Variants in TCIRG1 observed in about 807,000 individuals in gnomAD.
TCIRG1 encodes T cell immune regulator 1, ATPase H+ transporting V0 subunit a3.
In TCIRG1, 86 loss-of-function variants were observed where a neutral mutation model predicts 95.5. That is an observed-to-expected ratio of 0.90 (90% CI 0.76 to 1.08). The LOEUF (loss-of-function observed/expected upper bound fraction) is 1.08, where lower values mean the gene tolerates loss of function less well. TCIRG1 is among the 50% of genes least tolerant of loss of function. The pLI, the probability that TCIRG1 is intolerant of heterozygous loss-of-function variation, is 0.00. For missense variants in TCIRG1, 1,069 were observed against 1,140.2 expected (o/e 0.94, Z 0.90); for synonymous variants, 499 against 501.3 (o/e 1.00, Z 0.06).
At position 68,047,747 on chromosome 11, in the gene TCIRG1, C is replaced by T. The variant is rs2134455432; in HGVS notation, c.1406C>T (p.Thr469Ile). 6 of 1,613,342 alleles carry T rather than the reference C, an allele frequency of 3.7e-6. No individual in the cohort carries two copies. Among genetic ancestry groups the T allele is most frequent in the Non-Finnish European group, 5.1e-6 (6 of 1,180,006 alleles). ...TACAACGAGTGCTTCAGTCGCGCCA[C>T]CAGCATCTTCCCCTCGGGCTGGAGT... The part of the protein sequence containing the change: ...FIYNECFSRA[T>I]SIFPSGWSVA... The change falls in exon 12 of 20, where the codon ACC becomes ATC. Residue 469 changes from threonine to isoleucine, a missense_variant. Transcript: ENST00000265686.
Position 68,047,752 on chromosome 11 carries a change from A to C in TCIRG1, c.1411A>C (p.Ile471Leu). The change falls in exon 12 of 20, where the codon ATC becomes CTC. Residue 471 changes from isoleucine (I) to leucine (L), a missense_variant. Ile to Leu is a conservative substitution (Grantham distance 5). Transcript: ENST00000265686. ...YNECFSRATS[I>L]FPSGWSVAAM... ...CGAGTGCTTCAGTCGCGCCACCAGC[A>C]TCTTCCCCTCGGGCTGGAGTGTGGC... 1 of 1,613,274 alleles carries C rather than the reference A, an allele frequency of 6.2e-7. No individual in the cohort carries two copies. The highest frequency in any genetic ancestry group is 1.3e-5 in the African/African-American group (1 of 75,056).
At chr11:68,050,906 G>A (rs947311902), downstream of TCIRG1, 17 of 1,433,972 alleles carry the variant, frequency 1.2e-5, no homozygotes, top group South Asian at 5.9e-5. Flanking sequence ...GTGATGTCTC[G>A]TCTCTCTTCC....
Position 68,043,438 on chromosome 11 carries a change from C to T in TCIRG1, c.571C>T (p.Arg191Cys), listed in dbSNP as rs867224433. The stretch of plus-strand genomic sequence containing the variant: ...AGAGCGCCTGCTCTGGAGGGCCTGC[C>T]GCGGCTTCCTCATTGCCAGCTTCAG... Reference protein sequence around the residue: ...ALERLLWRACRGFLIASFREL... With the variant: ...ALERLLWRACCGFLIASFREL... The change falls in exon 6 of 20, where the codon CGC becomes TGC. Residue 191 changes from arginine (R) to cysteine (C), a missense_variant. Physicochemically the swap from Arg to Cys is radical, Grantham distance 180. Coordinates refer to ENST00000265686, the MANE Select transcript of TCIRG1 (RefSeq NM_006019.4). The T allele has an allele frequency of 6.5e-6, 10 of 1,548,200 alleles. No individual in the cohort carries two copies. Among genetic ancestry groups the T allele is most frequent in the Middle Eastern group, 1.9e-4 (1 of 5,318 alleles).
At chr11:68,047,838 C>CG (rs777063670) in intron 12 of TCIRG1, 34 bp downstream of exon 12, 2 of 1,612,630 alleles carry the variant, frequency 1.2e-6, no homozygotes, top group East Asian at 4.5e-5. Flanking sequence ...CTGGGGGCCC[C>CG]GCAGCACCCG....
intron 1 of TCIRG1, among the ~76,000 whole-genome samples, chr11:68,039,579 C>A (rs1469099071): frequency 6.6e-6 from 1 of 152,106 alleles, no homozygotes; most frequent in Non-Finnish European, 1.5e-5. Flanking sequence ...CCTGGAGGGG[C>A]CAGGAAAGGG....
intron 2 of TCIRG1, 104 bp from the exon 3 acceptor site, chr11:68,041,648 TG>T: frequency 1.0e-6 from 1 of 963,140 alleles, no homozygotes; most frequent in Non-Finnish European, 1.6e-6. Flanking sequence ...CACACCTTTC[TG>T]GAGGAGGCAG....
At chr11:68,049,863 C>T in intron 16 of TCIRG1, 75 bp downstream of exon 16, 33 of 1,554,962 alleles carry the variant, frequency 2.1e-5, no homozygotes, top group Non-Finnish European at 2.7e-5. Context: ...TGACTCCTCG[C>T]TTCCTGACAG....
Position 68,043,637 on chromosome 11 carries a change from C to A in TCIRG1, c.697C>A (p.Arg233Ser), listed in dbSNP as rs776421112. The A allele has an allele frequency of 1.9e-6, 3 of 1,609,570 alleles. No individual in the cohort carries two copies. The highest frequency in any genetic ancestry group is 2.2e-5 in the East Asian group (1 of 44,740). The stretch of plus-strand genomic sequence containing the variant: ...GGGTGAGCAGATCGGACAGAAGATC[C>A]GCAAGATCACGGACTGGTGAGTCAC... ...YWGEQIGQKIRKITDCFHCHV... is the reference protein window; with the variant it reads ...YWGEQIGQKISKITDCFHCHV... The change falls in exon 7 of 20, where the codon CGC becomes AGC. Residue 233 changes from arginine to serine, a missense_variant. Coordinates refer to ENST00000265686, the MANE Select transcript of TCIRG1 (RefSeq NM_006019.4).
At chr11:68,041,657 C>G in intron 2 of TCIRG1, 96 bp from the exon 3 acceptor site, 2 of 1,032,566 alleles carry the variant, frequency 1.9e-6, no homozygotes, top group Non-Finnish European at 2.9e-6. Flanking sequence ...CTGGAGGAGG[C>G]AGCTAAGGCC....
In TCIRG1 at chr11:68,047,657, CTT is replaced by C; in HGVS notation, c.1318_1319del (p.Phe440LeufsTer49). 1 of 1,613,472 alleles carries C rather than the reference CTT, an allele frequency of 6.2e-7. No individual in the cohort carries two copies. The highest frequency in any genetic ancestry group is 8.5e-7 in the Non-Finnish European group (1 of 1,180,008). On this transcript the variant is annotated frameshift_variant, in exon 12 of 20. Transcript: ENST00000265686. LOFTEE classifies it high-confidence loss of function. ...CCACTGCCCCCCCAGATCTGGCAGACTTTCTTCAGGGGCCGCTACCTGCTCCT... is the reference window on the plus strand; with the variant it reads ...CCACTGCCCCCCCAGATCTGGCAGACTCTTCAGGGGCCGCTACCTGCTCCT...
chr11:68,050,994 C>T, downstream of TCIRG1: 1 of 700,044 alleles, frequency 1.4e-6, no homozygotes, highest in Non-Finnish European at 2.5e-6. Flanking sequence ...AGGCCTGGAC[C>T]TGAGCAGATC....
chr11:68,041,449 C>G (rs539777397), intron 2 of TCIRG1, 61 bp downstream of exon 2: 8 of 1,265,554 alleles, frequency 6.3e-6, no homozygotes, highest in African/African-American at 1.5e-5. Flanking sequence ...GGAGGCCGGT[C>G]CAGGATGGGG....
intron 3 of TCIRG1, 39 bp from the exon 4 acceptor site, chr11:68,042,604 A>G (rs1855223122): frequency 6.7e-7 from 1 of 1,496,396 alleles, no homozygotes; most frequent in African/African-American, 1.4e-5. Context: ...CTGTTGAGAC[A>G]ACCTCAACTG....
At chr11:68,041,469 C>G (rs990180507) in intron 2 of TCIRG1, 81 bp downstream of exon 2, 16 of 1,080,744 alleles carry the variant, frequency 1.5e-5, no homozygotes, top group South Asian at 1.2e-4. Context: ...GACTGCCCCC[C>G]CTCCGCCATA....
At position 68,049,207 on chromosome 11, in the gene TCIRG1, C is replaced by G. The variant is rs145144233; in HGVS notation, c.1800C>G (p.Ala600=). The G allele has an allele frequency of 1.1e-5, 17 of 1,613,854 alleles. 1 individual carries two copies. The South Asian group carries it at 1.8e-4, about 17-fold the overall frequency. The change falls in exon 15 of 20, where the codon GCC becomes GCG. Residue 600 remains alanine (A), a synonymous_variant. Transcript: ENST00000265686. The part of the protein sequence containing the change: ...YKWLCVWAAR[A]ASAPSILIHF... ...GGCTGTGTGTCTGGGCTGCCAGGGC[C>G]GCCTCGGCCCCCAGCATCCTCATCC...
At position 68,044,330 on chromosome 11, in the gene TCIRG1, C is replaced by A; in HGVS notation, c.1006C>A (p.Leu336Met). ...VRDLPALQEA[L>M]RDSSMEEGVS... ...AGACCTGCCCGCCCTGCAGGAGGCCCTGCGGGACAGCTCGGTGAGCAGCCT... is the reference window on the plus strand; with the variant it reads ...AGACCTGCCCGCCCTGCAGGAGGCCATGCGGGACAGCTCGGTGAGCAGCCT... The change falls in exon 9 of 20, where the codon CTG (leucine) becomes ATG (methionine). Residue 336 changes from leucine to methionine, a missense_variant. Coordinates refer to ENST00000265686, the MANE Select transcript of TCIRG1 (RefSeq NM_006019.4). The A allele has an allele frequency of 6.3e-7, 1 of 1,590,074 alleles. No homozygotes were observed. Among genetic ancestry groups the A allele is most frequent in the Non-Finnish European group, 8.5e-7 (1 of 1,172,582 alleles).
In TCIRG1 at chr11:68,044,348, A is replaced by T; in HGVS notation, c.1020+4A>T. 1 of 1,569,786 alleles carries T rather than the reference A, an allele frequency of 6.4e-7. No individual in the cohort carries two copies. Among genetic ancestry groups the T allele is most frequent in the East Asian group, 2.3e-5 (1 of 43,022 alleles). ...GGAGGCCCTGCGGGACAGCTCGGTG[A>T]GCAGCCTGAGGCCTCGCCCCCTCTC... On this transcript the variant is annotated splice_donor_region_variant and intron_variant, in intron 9 of 19. Transcript: ENST00000265686.
In TCIRG1 at chr11:68,042,645, T is replaced by C. The variant is rs924034232; in HGVS notation, c.199T>C (p.Phe67Leu). 6.5e-7 allele frequency: 1 copy of C among 1,547,260 alleles called. No homozygotes were observed. Among genetic ancestry groups the C allele is most frequent in the African/African-American group, 1.4e-5 (1 of 72,930 alleles). ...RCEELEKTFT[F>L]LQEEVRRAGL... is the part of the protein sequence containing the mutation. ...CACTCCCGTTCCTCTGCGCCCAGCC[T>C]TCCTGCAGGAGGAGGTGCGGCGGGC... The change falls in exon 4 of 20, where the codon TTC becomes CTC. Residue 67 changes from phenylalanine to leucine, a missense_variant and splice_region_variant. By Grantham distance (22) the Phe-to-Leu change is conservative. Transcript: ENST00000265686.
In TCIRG1 at chr11:68,045,029, CA is replaced by C; in HGVS notation, c.1094del (p.Asn365ThrfsTer38). The C allele has an allele frequency of 6.2e-7, 1 of 1,607,792 alleles. No homozygotes were observed. Among genetic ancestry groups the C allele is most frequent in the Non-Finnish European group, 8.5e-7 (1 of 1,180,004 alleles). On this transcript the variant is annotated frameshift_variant, in exon 10 of 20. Coordinates refer to ENST00000265686, the MANE Select transcript of TCIRG1 (RefSeq NM_006019.4). LOFTEE classifies it high-confidence loss of function. Reference protein sequence around the residue: ...RDMPPTLIRTNRFTASFQGIV... With the variant: ...RDMPPTLIRTXRFTASFQGIV... ...ACATGCCCCCCACACTCATCCGCACCAACCGCTTCACGGCCAGCTTCCAGGG... is the reference window on the plus strand; with the variant it reads ...ACATGCCCCCCACACTCATCCGCACCACCGCTTCACGGCCAGCTTCCAGGG...
Sources: allele counts gnomAD v4.1 joint callset (sites outside exome capture counted in the v4.1 genomes callset), GRCh38; gene constraint gnomAD v4.1.1; transcripts MANE v1.5; gene names NCBI Gene and HGNC (gene_info 2026-07-23, HGNC 2026-07-21).